Variants in NDST3 observed in about 807,000 individuals in gnomAD.
NDST3 encodes bifunctional heparan sulfate N-deacetylase/N-sulfotransferase 3.
A neutral mutation model predicts 96.1 loss-of-function variants in NDST3; 58 were observed. The observed-to-expected ratio is 0.60, with a 90% CI of 0.49 to 0.75. The LOEUF (loss-of-function observed/expected upper bound fraction) is 0.75, where lower values mean the gene tolerates loss of function less well. NDST3 is among the 30% of genes least tolerant of loss of function. The pLI is 0.00. For missense variants in NDST3, 788 were observed against 1,034.2 expected (o/e 0.76, Z 3.27); for synonymous variants, 333 against 359.7 (o/e 0.93, Z 0.84).
chr4:118,072,115 T>C (rs1289917998), intron 2 of NDST3, among the ~76,000 whole-genome samples: 2 of 152,152 alleles, frequency 1.3e-5, no homozygotes, highest in Non-Finnish European at 2.9e-5. Context: ...AATACCATGC[T>C]GTTTGGGTTG....
intron 6 of NDST3, among the ~76,000 whole-genome samples, chr4:118,152,631 A>G (rs765048741): frequency 1.3e-5 from 2 of 152,298 alleles, no homozygotes; most frequent in African/African-American, 2.4e-5. Flanking sequence ...AAAATGAGAA[A>G]TGCTAATATT....
intron 4 of NDST3, among the ~76,000 whole-genome samples, chr4:118,133,180 A>C (rs573165987): frequency 3.9e-5 from 6 of 152,274 alleles, no homozygotes; most frequent in Non-Finnish European, 8.8e-5. Flanking sequence ...TTTCAAGTTT[A>C]CCAAGGACCT....
intron 6 of NDST3, among the ~76,000 whole-genome samples, chr4:118,213,113 A>T (rs1738914963): frequency 6.6e-6 from 1 of 152,194 alleles, no homozygotes; most frequent in South Asian, 2.1e-4. Context: ...GTCAAAGCTA[A>T]CACAATTTCC....
chr4:118,169,963 AC>A (rs1402181038), intron 6 of NDST3, among the ~76,000 whole-genome samples: 3 of 152,032 alleles, frequency 2.0e-5, no homozygotes, highest in African/African-American at 7.2e-5. Flanking sequence ...TGTGATCTTT[AC>A]CGGGGGGCTT....
chr4:118,154,781 A>G (rs6842491), intron 6 of NDST3, among the ~76,000 whole-genome samples: 10,972 of 152,156 alleles, frequency 0.072, 890 homozygotes, highest in African/African-American at 0.2. Context: ...TCAGTTCACC[A>G]CTTCACCCGC....
At chr4:118,104,618 T>C (rs1730020976) in intron 2 of NDST3, among the ~76,000 whole-genome samples, 1 of 152,176 alleles carries the variant, frequency 6.6e-6, no homozygotes, top group South Asian at 2.1e-4. Flanking sequence ...ATAATCTGTT[T>C]CTTTCAACAT....
At chr4:118,238,191 GAAA>G in intron 10 of NDST3, among the ~76,000 whole-genome samples, 1 of 142,094 alleles carries the variant, frequency 7.0e-6, no homozygotes, top group Non-Finnish European at 1.5e-5. Flanking sequence ...AAGAAAGAAA[GAAA>G]GAAAGAAAGA....
chr4:118,195,908 C>T (rs923582291), intron 6 of NDST3, among the ~76,000 whole-genome samples: 3 of 152,132 alleles, frequency 2.0e-5, no homozygotes, highest in African/African-American at 4.8e-5. Context: ...TGAAAGTGGG[C>T]ATCCTTGTCA....
intron 2 of NDST3, among the ~76,000 whole-genome samples, chr4:118,087,926 T>C (rs550775191): frequency 5.3e-5 from 8 of 152,198 alleles, no homozygotes; most frequent in East Asian, 3.9e-4. Context: ...TTAGATTCAA[T>C]TGGAGACTAT....
intron 12 of NDST3, 66 bp from the exon 13 acceptor site, chr4:118,253,412 TATATCATATGTATTGGTCACC>T (rs1218797004): frequency 1.3e-6 from 1 of 771,304 alleles, no homozygotes; most frequent in African/African-American, 1.7e-5. Context: ...TATTGGTCAC[TATATCATATGTATTGGTCACC>T]ATATCATATA....
At chr4:118,248,373 ACT>A (rs34714560) in intron 12 of NDST3, among the ~76,000 whole-genome samples, 8,270 of 151,922 alleles carry the variant, frequency 0.054, 422 homozygotes, top group African/African-American at 0.14. Context: ...AAAAAAAGTC[ACT>A]GTTTAGAGGT....
intron 2 of NDST3, among the ~76,000 whole-genome samples, chr4:118,087,033 T>G (rs566010091): frequency 1.3e-5 from 2 of 152,198 alleles, no homozygotes; most frequent in African/African-American, 4.8e-5. Flanking sequence ...GAAATATTGG[T>G]CAGGATATTT....
intron 6 of NDST3, among the ~76,000 whole-genome samples, chr4:118,171,240 T>C (rs1735927892): frequency 6.6e-6 from 1 of 152,172 alleles, no homozygotes; most frequent in African/African-American, 2.4e-5. Flanking sequence ...AGCCAAATCA[T>C]TTCTCACTAC....
chr4:118,055,828 T>C (rs1725393321), intron 2 of NDST3, among the ~76,000 whole-genome samples: 1 of 151,888 alleles, frequency 6.6e-6, no homozygotes, highest in Non-Finnish European at 1.5e-5. Context: ...CTTGAAAACT[T>C]TGTTCTTTTC....
At chr4:118,203,274 C>T (rs954862681) in intron 6 of NDST3, among the ~76,000 whole-genome samples, 2 of 151,978 alleles carry the variant, frequency 1.3e-5, no homozygotes, top group South Asian at 2.1e-4. Context: ...CTAAAGTTTC[C>T]TTTATTAATT....
chr4:118,169,231 A>C (rs1378140674), intron 6 of NDST3, among the ~76,000 whole-genome samples: 1 of 152,186 alleles, frequency 6.6e-6, no homozygotes, highest in Non-Finnish European at 1.5e-5. Context: ...ATATTCTATA[A>C]AACAAATAGT....
At chr4:118,039,296 CTGTT>C (rs1724316923) in intron 1 of NDST3, among the ~76,000 whole-genome samples, 1 of 152,152 alleles carries the variant, frequency 6.6e-6, no homozygotes, top group African/African-American at 2.4e-5. Context: ...ATTGCCTTGA[CTGTT>C]TGAGGCCAGT....
chr4:118,076,580 T>C (rs1007466753), intron 2 of NDST3, among the ~76,000 whole-genome samples: 2 of 152,210 alleles, frequency 1.3e-5, no homozygotes, highest in Non-Finnish European at 2.9e-5. Flanking sequence ...GATTGGTCTA[T>C]TCTGCTGTTA....
At chr4:118,079,472 A>C (rs575906419) in intron 2 of NDST3, among the ~76,000 whole-genome samples, 3 of 152,346 alleles carry the variant, frequency 2.0e-5, no homozygotes, top group African/African-American at 7.2e-5. Context: ...TATGCAAAAG[A>C]AACAGGCCCT....
Sources: gnomAD v4.1 joint callset for allele counts (sites outside exome capture counted in the v4.1 genomes callset) on GRCh38, gnomAD v4.1.1 for gene constraint, MANE v1.5 for transcripts, NCBI Gene and HGNC (gene_info 2026-07-23, HGNC 2026-07-21) for gene names.